The following ITGA9 variants were observed in gnomAD, a reference collection of about 807,000 sequenced individuals.
ITGA9 encodes the protein integrin subunit alpha 9.
ITGA9 carries 56 observed loss-of-function variants against 127.8 expected under a neutral mutation model. The observed-to-expected ratio is 0.44, with a 90% CI of 0.35 to 0.55. The LOEUF is 0.55. Ranked by LOEUF, ITGA9 falls within the 20% of genes least tolerant of loss-of-function variation. The pLI is 0.00. For missense variants in ITGA9, 1,196 were observed against 1,347.1 expected (o/e 0.89, Z 1.76); for synonymous variants, 508 against 514.5 (o/e 0.99, Z 0.17).
chr3:37,730,821 A>C (rs1370556781), intron 18 of ITGA9, among the ~76,000 whole-genome samples: 1 of 152,212 alleles, frequency 6.6e-6, no homozygotes, highest in East Asian at 1.9e-4. Flanking sequence ...GCTCCTTGAC[A>C]GTGAGGACAA....
rs113537899 is a variant in ITGA9, at chr3:37,501,031, C to G, written c.613-2147C>G. Among the ~76,000 whole-genome samples the G allele has an allele frequency of 5.7e-3, 862 of 151,842 alleles. 9 individuals carry two copies. Among genetic ancestry groups the G allele is most frequent in the Middle Eastern group, 0.027 (8 of 294 alleles). On this transcript the variant is annotated intron_variant, in intron 5 of 27. Transcript: ENST00000264741. ...TTGCACATTACCATGCTGTCTTACC[C>G]CAAGAATGATCTACGAAGGGACTTT... is the stretch of plus-strand genomic sequence containing the variant.
chr3:37,669,039 T>A (rs570706893), intron 17 of ITGA9, among the ~76,000 whole-genome samples: 3 of 152,374 alleles, frequency 2.0e-5, no homozygotes, highest in Admixed American at 2.0e-4. Context: ...TAAATCATTT[T>A]GCTGAAATTG....
intron 15 of ITGA9, among the ~76,000 whole-genome samples, chr3:37,542,794 G>A (rs933445663): frequency 6.6e-6 from 1 of 152,038 alleles, no homozygotes; most frequent in Non-Finnish European, 1.5e-5. Flanking sequence ...GCCTTTAAGG[G>A]GGGTCGTGGT....
At chr3:37,788,614 C>T (rs186434266) in intron 26 of ITGA9, among the ~76,000 whole-genome samples, 50 of 152,254 alleles carry the variant, frequency 3.3e-4, no homozygotes, top group Non-Finnish European at 3.8e-4. Flanking sequence ...TAAACTCACA[C>T]ACTGTCACTC....
At chr3:37,472,410 T>C (rs1698442395) in intron 2 of ITGA9, among the ~76,000 whole-genome samples, 1 of 152,216 alleles carries the variant, frequency 6.6e-6, no homozygotes, top group Non-Finnish European at 1.5e-5. Flanking sequence ...TTTGTTTGTT[T>C]GTTTTTGAGA....
Position 37,503,283 on chromosome 3 carries a change from A to G in ITGA9, c.718A>G (p.Met240Val), listed in dbSNP as rs753106425. ...TTTAAAACTGAACGACGAAGTGATCATGAACAGGCGGTACACCTACCTGGG... is the reference window on the plus strand; with the variant it reads ...TTTAAAACTGAACGACGAAGTGATCGTGAACAGGCGGTACACCTACCTGGG... ...TYLKLNDEVI[M>V]NRRYTYLGYA... is the part of the protein sequence containing the mutation. The change falls in exon 6 of 28, where the codon ATG becomes GTG. Residue 240 changes from methionine to valine, a missense_variant. Physicochemically the swap from Met to Val is conservative, Grantham distance 21. Transcript: ENST00000264741. 6.2e-7 allele frequency: 1 copy of G among 1,614,188 alleles called. No individual in the cohort carries two copies. The highest frequency in any genetic ancestry group is 1.1e-5 in the South Asian group (1 of 91,088).
At chr3:37,682,527 C>T (rs2125662204) in intron 17 of ITGA9, among the ~76,000 whole-genome samples, 1 of 152,336 alleles carries the variant, frequency 6.6e-6, no homozygotes, top group East Asian at 1.9e-4. Flanking sequence ...TGTGAGTCCT[C>T]ATTTCTATCT....
chr3:37,743,725 T>C (rs1696465695), intron 21 of ITGA9, among the ~76,000 whole-genome samples: 1 of 152,244 alleles, frequency 6.6e-6, no homozygotes, highest in South Asian at 2.1e-4. Flanking sequence ...TGCAGCTTAT[T>C]GACGTAACCT....
In ITGA9 at chr3:37,683,991, C is replaced by A. The variant is rs146939332; in HGVS notation, c.2043C>A (p.Leu681=). The A allele has an allele frequency of 6.2e-7, 1 of 1,613,832 alleles. No individual in the cohort carries two copies. The highest frequency in any genetic ancestry group is 1.3e-5 in the African/African-American group (1 of 75,006). Residue 681 remains leucine (L), a synonymous_variant, in exon 18 of 28, where the codon CTC becomes CTA. Coordinates refer to ENST00000264741, the MANE Select transcript of ITGA9 (RefSeq NM_002207.3). ...ANVSFNVSRE[L]FFINMWQKEE... is the part of the protein sequence containing the mutation. ...TGTCCTTCAATGTTTCCCGGGAGCT[C>A]TTCTTCATCAACATGTGGCAGAAGG... is the stretch of plus-strand genomic sequence containing the variant.
intron 23 of ITGA9, among the ~76,000 whole-genome samples, chr3:37,769,513 G>A (rs1205439336): frequency 6.6e-6 from 1 of 152,106 alleles, no homozygotes; most frequent in African/African-American, 2.4e-5. Flanking sequence ...CCCACGCCAT[G>A]TGTAAGACTT....
At chr3:37,613,557 T>A (rs1404035207) in intron 15 of ITGA9, among the ~76,000 whole-genome samples, 1 of 152,260 alleles carries the variant, frequency 6.6e-6, no homozygotes, top group Non-Finnish European at 1.5e-5. Flanking sequence ...CCACAATGGT[T>A]GAACTAGTTT....
chr3:37,666,805 C>G (rs1700590814), intron 17 of ITGA9, among the ~76,000 whole-genome samples: 1 of 152,232 alleles, frequency 6.6e-6, no homozygotes, highest in African/African-American at 2.4e-5. Flanking sequence ...GGCTGTCAAT[C>G]AGTGCATCAT....
At chr3:37,591,268 C>T (rs1043726942) in intron 15 of ITGA9, among the ~76,000 whole-genome samples, 1 of 152,234 alleles carries the variant, frequency 6.6e-6, no homozygotes, top group African/African-American at 2.4e-5. Context: ...GGACCATTTG[C>T]CTAATGTCCC....
intron 17 of ITGA9, among the ~76,000 whole-genome samples, chr3:37,672,551 G>A (rs191464555): frequency 4.5e-4 from 69 of 152,302 alleles, no homozygotes; most frequent in Admixed American, 1.0e-3. Context: ...TATGAGAACA[G>A]GCTAATACAG....
intron 19 of ITGA9, 109 bp downstream of exon 19, chr3:37,732,907 C>G (rs941368495): frequency 9.7e-6 from 8 of 823,658 alleles, no homozygotes; most frequent in Non-Finnish European, 1.6e-5. Context: ...CCCCTGCCTC[C>G]CATAGCAGCT....
intron 1 of ITGA9, among the ~76,000 whole-genome samples, chr3:37,466,510 A>AAAAAAAT (rs1559513197): frequency 1.3e-5 from 2 of 150,580 alleles, no homozygotes; most frequent in Non-Finnish European, 3.0e-5. Flanking sequence ...AAAAAAAAAA[A>AAAAAAAT]AAAGGGCCTT....
At chr3:37,777,655 CTAATTT>C in intron 24 of ITGA9, 138 bp downstream of exon 24, 1 of 923,662 alleles carries the variant, frequency 1.1e-6, no homozygotes, top group Non-Finnish European at 1.7e-6. Flanking sequence ...TGGTCAACTC[CTAATTT>C]TCAGTCTGAG....
chr3:37,649,121 A>G (rs999856378), intron 16 of ITGA9, among the ~76,000 whole-genome samples: 2 of 151,630 alleles, frequency 1.3e-5, no homozygotes, highest in African/African-American at 2.4e-5. Context: ...CGATACAAAA[A>G]AAAAAAAGAA....
intron 23 of ITGA9, among the ~76,000 whole-genome samples, chr3:37,751,369 A>G (rs1696583998): frequency 6.6e-6 from 1 of 152,210 alleles, no homozygotes. Flanking sequence ...CAAACCACAC[A>G]GGCTTCTGGC....
Sources: gnomAD v4.1 joint callset for allele counts (sites outside exome capture counted in the v4.1 genomes callset) on GRCh38, gnomAD v4.1.1 for gene constraint, MANE v1.5 for transcripts, NCBI Gene and HGNC (gene_info 2026-07-23, HGNC 2026-07-21) for gene names.